Variants in PTPN4 observed in about 807,000 individuals in gnomAD.
PTPN4 encodes the protein tyrosine-protein phosphatase non-receptor type 4.
A neutral mutation model predicts 135.5 loss-of-function variants in PTPN4; 49 were observed. The ratio of observed to expected loss-of-function variants is 0.36; its 90% CI spans 0.29 to 0.46. The LOEUF (loss-of-function observed/expected upper bound fraction) is 0.46, where lower values mean the gene tolerates loss of function less well. Among genes scored for constraint, PTPN4 ranks in the 20% least tolerant of loss-of-function variants. The probability of loss-of-function intolerance (pLI) is 1.00; values close to 1 mark genes in which losing one functional copy is unlikely to be tolerated. For missense variants in PTPN4, 860 were observed against 1,101.0 expected (o/e 0.78, Z 3.10); for synonymous variants, 333 against 369.9 (o/e 0.90, Z 1.14).
At chr2:119,829,512 G>A (rs1284664504) in intron 2 of PTPN4, among the ~76,000 whole-genome samples, 1 of 152,050 alleles carries the variant, frequency 6.6e-6, no homozygotes, top group African/African-American at 2.4e-5. Context: ...TGTTAACCTC[G>A]AATCTTTGTT....
chr2:119,962,786 AGG>A (rs1679387947), intron 24 of PTPN4, 42 bp downstream of exon 24: 5 of 1,419,006 alleles, frequency 3.5e-6, no homozygotes. Flanking sequence ...TGTTGTGTTC[AGG>A]GTAAAGACTG....
chr2:119,960,647 A>G, intron 22 of PTPN4, 160 bp from the exon 23 acceptor site: 1 of 581,782 alleles, frequency 1.7e-6, no homozygotes. Flanking sequence ...AATTTCTTCT[A>G]CAGATAAAAT....
intron 18 of PTPN4, 52 bp downstream of exon 18, chr2:119,946,626 AT>A: frequency 1.5e-6 from 2 of 1,304,514 alleles, no homozygotes; most frequent in Non-Finnish European, 1.1e-6. Context: ...ATATGTACTT[AT>A]TTTATAATTC....
intron 9 of PTPN4, among the ~76,000 whole-genome samples, chr2:119,886,918 A>T (rs1274553028): frequency 6.6e-6 from 1 of 151,806 alleles, no homozygotes; most frequent in Non-Finnish European, 1.5e-5. Flanking sequence ...TCTGAGTGTT[A>T]CTTGGAAATC....
intron 18 of PTPN4, among the ~76,000 whole-genome samples, chr2:119,950,090 A>C (rs1319766924): frequency 6.6e-6 from 1 of 152,184 alleles, no homozygotes; most frequent in Non-Finnish European, 1.5e-5. Flanking sequence ...ATTCATAGCT[A>C]TCCTCTTTAA....
rs775845333 is a variant in PTPN4, at chr2:119,920,076, C to A, written c.836C>A (p.Ser279Tyr). Reference sequence around the variant, plus strand: ...TTTTGTCATTTATTACAGCATGAATCTAGAGAAACATTATTGGGATTTAAT... The same window carrying A: ...TTTTGTCATTTATTACAGCATGAATATAGAGAAACATTATTGGGATTTAAT... Reference protein sequence around the residue: ...FIQLRKELHESRETLLGFNMV... With the variant: ...FIQLRKELHEYRETLLGFNMV... The change falls in exon 12 of 27, where the codon TCT becomes TAT. Residue 279 changes from serine to tyrosine, a missense_variant. Physicochemically the swap from Ser to Tyr is moderately radical, Grantham distance 144. Coordinates refer to ENST00000263708, the MANE Select transcript of PTPN4 (RefSeq NM_002830.4). The A allele has an allele frequency of 8.7e-6, 14 of 1,605,928 alleles. No homozygotes were observed. Among genetic ancestry groups the A allele is most frequent in the Non-Finnish European group, 1.2e-5 (14 of 1,177,276 alleles).
chr2:119,773,690 C>T (rs1031818083), intron 1 of PTPN4, among the ~76,000 whole-genome samples: 5 of 148,274 alleles, frequency 3.4e-5, no homozygotes, highest in East Asian at 2.0e-4. Context: ...GAGCCGAGAT[C>T]GCACCACTGC....
chr2:119,830,570 G>C (rs770922491), intron 2 of PTPN4, among the ~76,000 whole-genome samples: 1 of 152,138 alleles, frequency 6.6e-6, no homozygotes, highest in Non-Finnish European at 1.5e-5. Context: ...CCAGGTTCAA[G>C]CAGTTCTCCT....
chr2:119,900,640 G>T (rs1183348210), intron 9 of PTPN4, 78 bp from the exon 10 acceptor site: 5 of 876,248 alleles, frequency 5.7e-6, no homozygotes, highest in Non-Finnish European at 8.3e-6. Flanking sequence ...TTTAAAAATA[G>T]AATCCTATTT....
intron 3 of PTPN4, among the ~76,000 whole-genome samples, chr2:119,876,973 C>T (rs1363119184): frequency 6.9e-6 from 1 of 145,868 alleles, no homozygotes; most frequent in East Asian, 2.1e-4. Flanking sequence ...TGAAAACTTG[C>T]CAGACTTTTA....
intron 2 of PTPN4, among the ~76,000 whole-genome samples, chr2:119,818,525 C>T (rs955379894): frequency 3.9e-5 from 6 of 152,320 alleles, no homozygotes; most frequent in Non-Finnish European, 5.9e-5. Context: ...ATCCTCCTAC[C>T]TCAGTCTCCC....
rs764723878 is a variant in PTPN4 at position 119,951,981 on chromosome 2, C to G, written c.1665C>G (p.Leu555=). Residue 555 remains leucine (L), a synonymous_variant, in exon 19 of 27, where the codon CTC becomes CTG. Coordinates refer to ENST00000263708, the MANE Select transcript of PTPN4 (RefSeq NM_002830.4). ...TCTATATTATATTACAGGCTGACCT[C>G]TGTGTCCCTAGACTGAATGAAGGGG... ...SRVAPGTPAD[L]CVPRLNEGDQ... is the part of the protein sequence containing the mutation. 2.5e-6 allele frequency: 4 copies of G among 1,609,470 alleles called. No individual in the cohort carries two copies. Among genetic ancestry groups the G allele is most frequent in the South Asian group, 1.1e-5 (1 of 90,342 alleles).
chr2:119,905,685 A>G (rs111629195), intron 10 of PTPN4, among the ~76,000 whole-genome samples: 3,527 of 152,294 alleles, frequency 0.023, 127 homozygotes, highest in African/African-American at 0.077. Flanking sequence ...AGCACGTGAA[A>G]CACTCTTCAG....
intron 2 of PTPN4, among the ~76,000 whole-genome samples, chr2:119,816,251 G>T (rs1408762481): frequency 2.0e-5 from 3 of 152,130 alleles, no homozygotes; most frequent in African/African-American, 2.4e-5. Context: ...GTATGGTAAA[G>T]ATACAGTATT....
chr2:119,949,963 A>G (rs1386975788), intron 18 of PTPN4, among the ~76,000 whole-genome samples: 1 of 152,154 alleles, frequency 6.6e-6, no homozygotes, highest in Admixed American at 6.5e-5. Flanking sequence ...ACACACAAAC[A>G]GTTTATTTAG....
intron 2 of PTPN4, among the ~76,000 whole-genome samples, chr2:119,812,915 C>T (rs75891638): frequency 2.2e-4 from 34 of 152,266 alleles, no homozygotes; most frequent in Non-Finnish European, 4.7e-4. Context: ...TAACGTTAGC[C>T]TGTATGATGA....
chr2:119,789,802 A>T (rs908720780), intron 1 of PTPN4, among the ~76,000 whole-genome samples: 3 of 151,414 alleles, frequency 2.0e-5, no homozygotes, highest in African/African-American at 7.3e-5. Context: ...GGCTCAGTGC[A>T]ACCTCTGCCT....
rs138655556 is a variant in PTPN4, at chr2:119,915,102, T to C, written c.765-77T>C. On this transcript the variant is annotated intron_variant, in intron 10 of 26. Transcript: ENST00000263708. ...TGTTTAGATATTACTAAATATACAC[T>C]TAAAACATTTTTTCATAATTTGTTA... The C allele has an allele frequency of 5.9e-4, 727 of 1,239,464 alleles. 3 individuals carry two copies. In the African/African-American group the frequency reaches 0.01, roughly 18 times the overall value. 76.8% of individuals were successfully genotyped at this position (1,239,464 alleles called of 1,614,324 possible).
At chr2:119,957,750 A>G (rs951279204) in intron 22 of PTPN4, among the ~76,000 whole-genome samples, 7 of 152,232 alleles carry the variant, frequency 4.6e-5, no homozygotes, top group Admixed American at 2.6e-4. Flanking sequence ...GCACTTGTCA[A>G]CTGATGACAA....
Sources: gnomAD v4.1 joint callset for allele counts (sites outside exome capture counted in the v4.1 genomes callset) on GRCh38, gnomAD v4.1.1 for gene constraint, MANE v1.5 for transcripts, NCBI Gene and HGNC (gene_info 2026-07-23, HGNC 2026-07-21) for gene names.